The following FBLN7 variants were observed in gnomAD, a reference collection of about 807,000 sequenced individuals.
The protein encoded by FBLN7 is fibulin 7, also known as fibulin-7.
In FBLN7, 31 loss-of-function variants were observed where a neutral mutation model predicts 44.0. The observed-to-expected ratio is 0.70, with a 90% confidence interval of 0.53 to 0.95. FBLN7 has a LOEUF of 0.95. FBLN7 is among the 40% of genes least tolerant of loss of function. The pLI is 0.00. For missense variants in FBLN7, 573 were observed against 618.5 expected (o/e 0.93, Z 0.78); for synonymous variants, 262 against 253.4 (o/e 1.03, Z -0.32).
At chr2:112,160,678 A>ACACAC (rs1681726881) in intron 2 of FBLN7, among the ~76,000 whole-genome samples, 1 of 145,858 alleles carries the variant, frequency 6.9e-6, no homozygotes, top group African/African-American at 2.6e-5. Flanking sequence ...ACGCACACGC[A>ACACAC]GACGCACGCA....
downstream of FBLN7, among the ~76,000 whole-genome samples, chr2:112,192,826 G>T (rs1472601374): frequency 6.6e-6 from 1 of 152,162 alleles, no homozygotes; most frequent in African/African-American, 2.4e-5. Context: ...TATGAGCTGC[G>T]TGAATATTCC....
At chr2:112,179,662 G>A (rs189737808) in intron 4 of FBLN7, among the ~76,000 whole-genome samples, 41 of 152,216 alleles carry the variant, frequency 2.7e-4, no homozygotes, top group Middle Eastern at 3.4e-3. Flanking sequence ...CCAATGGAAC[G>A]GAATAGAGAG....
Position 112,159,714 on chromosome 2 carries a change from C to A in FBLN7, c.114C>A (p.Arg38=). ...LSKQQLLSAI[R]QLQQLLKGQE... is the part of the protein sequence containing the mutation. ...AACAGCAGCTCCTCTCGGCCATCCG[C>A]CAGCTGCAGCAGCTGCTGAAGGGCC... Residue 38 remains arginine, a synonymous_variant, in exon 2 of 8, where the codon CGC becomes CGA. Transcript: ENST00000331203. The A allele has an allele frequency of 6.3e-7, 1 of 1,582,068 alleles. No homozygotes were observed.
At chr2:112,180,619 A>G (rs560060543) in intron 4 of FBLN7, among the ~76,000 whole-genome samples, 3 of 152,312 alleles carry the variant, frequency 2.0e-5, no homozygotes, top group Non-Finnish European at 4.4e-5. Context: ...CAGACTGGAT[A>G]AAGAAAATGC....
At chr2:112,216,071 C>A in the FBLN7 span, 1 of 152,184 alleles carries the variant, frequency 6.6e-6, no homozygotes, top group Admixed American at 6.5e-5. Context: ...TATGGTCCAT[C>A]TACCAATGTC....
At chr2:112,156,419 C>G (rs1269998723) in intron 1 of FBLN7, among the ~76,000 whole-genome samples, 1 of 152,168 alleles carries the variant, frequency 6.6e-6, no homozygotes, top group Non-Finnish European at 1.5e-5. Context: ...TGCTGCCGGC[C>G]AGTAGCTGAA....
In FBLN7 at chr2:112,181,749, G is replaced by A. The variant is rs1342297236; in HGVS notation, c.543G>A (p.Glu181=). 7.2e-7 allele frequency: 1 copy of A among 1,397,952 alleles called. No individual in the cohort carries two copies. Among genetic ancestry groups the A allele is most frequent in the Non-Finnish European group, 9.2e-7 (1 of 1,083,186 alleles). 86.6% of individuals were successfully genotyped at this position (1,397,952 alleles called of 1,614,324 possible). A position where few individuals can be genotyped will look rare whatever the true frequency, so the allele number is the denominator to read the frequency against. The part of the protein sequence containing the change: ...CQHQAQTAAP[E]GSVAGDSAFS... ...GTCTTCTCCCCGCAGCCGCCCCCGAGGGCAGCGTGGCCGGCGACTCCGCCT... is the reference window on the plus strand; with the variant it reads ...GTCTTCTCCCCGCAGCCGCCCCCGAAGGCAGCGTGGCCGGCGACTCCGCCT... The change falls in exon 5 of 8, where the codon GAG becomes GAA. Residue 181 remains glutamate, a synonymous_variant. Transcript: ENST00000331203.
Position 112,138,637 on chromosome 2 carries a change from C to G in FBLN7, c.-19C>G. 8 of 1,613,804 alleles carry G rather than the reference C, an allele frequency of 5.0e-6. No homozygotes were observed. Among genetic ancestry groups the G allele is most frequent in the Non-Finnish European group, 6.8e-6 (8 of 1,179,874 alleles). ...CAAAGTTATTTCCCCTCCCAGGCAG[C>G]GGGATTCCGACTGGCAAGATGGTGC... On this transcript the variant is annotated 5_prime_UTR_variant, in exon 1 of 8. Coordinates refer to ENST00000331203, the MANE Select transcript of FBLN7 (RefSeq NM_153214.3).
intron 1 of FBLN7, among the ~76,000 whole-genome samples, chr2:112,145,584 A>AT (rs762134883): frequency 6.6e-6 from 1 of 152,160 alleles, no homozygotes; most frequent in East Asian, 1.9e-4. Context: ...TCAATTTTTT[A>AT]TTTTAATGGA....
rs1209194688 is a variant in FBLN7 at position 112,187,706 on chromosome 2, T to C, written c.*200T>C. ...CACAAAACTCAACTGCTGCCATCAC[T>C]CTTTTTTTTTTTCTGCTTTGAGGCC... On this transcript the variant is annotated 3_prime_UTR_variant, in exon 8 of 8. Transcript: ENST00000331203. The surrounding 1 kb of genome is among the most constrained non-coding windows in gnomAD (Gnocchi z 5.1). The C allele has an allele frequency of 1.4e-5, 9 of 629,844 alleles. No individual in the cohort carries two copies. The African/African-American group carries it at 1.5e-4, about 10-fold the overall frequency. The allele number at this position is 629,844 out of a possible 1,614,324, so 39.0% of individuals were successfully genotyped here.
In FBLN7 at chr2:112,156,760, G is replaced by A. The variant is rs1049437545; in HGVS notation, c.76-2916G>A. ...GTATGGTGGAGGCCCAGGAGCCCCC[G>A]GGATTAACGAATTCCAGGGGCAACT... On this transcript the variant is annotated intron_variant, in intron 1 of 7. Transcript: ENST00000331203. Among the ~76,000 whole-genome samples, 89 of 152,354 alleles carry A rather than the reference G, an allele frequency of 5.8e-4. 1 individual carries two copies. The highest frequency in any genetic ancestry group is 2.0e-3 in the African/African-American group (85 of 41,592).
intron 4 of FBLN7, chr2:112,177,574 A>G (rs1682794676): frequency 6.6e-6 from 1 of 152,128 alleles, no homozygotes; most frequent in Non-Finnish European, 1.5e-5. Context: ...ATCCTTTTTA[A>G]CTGTACAGCT....
intron 2 of FBLN7, among the ~76,000 whole-genome samples, chr2:112,160,655 CACGCGCACGCACACGCACACGCAG>C (rs1411528490): frequency 3.5e-5 from 5 of 142,480 alleles, no homozygotes; most frequent in South Asian, 4.6e-4. Flanking sequence ...CGCGCACGCA[CACGCGCACGCACACGCACACGCAG>C]ACGCACGCAC....
At chr2:112,198,643 G>A in the FBLN7 span, among the ~76,000 whole-genome samples, 68 of 15,204 alleles carry the variant, frequency 4.5e-3, 2 homozygotes, top group African/African-American at 0.021. Flanking sequence ...CAAAAAAAAA[G>A]AAAGAAAGAA....
chr2:112,149,832 T>C (rs1681066755), intron 1 of FBLN7, among the ~76,000 whole-genome samples: 1 of 152,154 alleles, frequency 6.6e-6, no homozygotes, highest in African/African-American at 2.4e-5. Flanking sequence ...CTCAAGTAAG[T>C]AAAATGTGTA....
chr2:112,212,402 T>C, the FBLN7 span: 3 of 152,356 alleles, frequency 2.0e-5, no homozygotes, highest in East Asian at 5.8e-4. Context: ...AGGAGCTGAA[T>C]ACAATGAATG....
At chr2:112,228,191 G>T in the FBLN7 span, among the ~76,000 whole-genome samples, 1 of 152,138 alleles carries the variant, frequency 6.6e-6, no homozygotes. Context: ...TCAGGGGGAA[G>T]GGGCAGTCTT....
the FBLN7 span, among the ~76,000 whole-genome samples, chr2:112,203,544 C>G: frequency 6.6e-6 from 1 of 152,028 alleles, no homozygotes; most frequent in African/African-American, 2.4e-5. Flanking sequence ...TTTAAAATGT[C>G]CAATTTTCAA....
chr2:112,153,354 A>C (rs953421790), intron 1 of FBLN7: 4 of 152,166 alleles, frequency 2.6e-5, no homozygotes, highest in African/African-American at 9.7e-5. Flanking sequence ...GGCTTGGGAG[A>C]AACCAGCGTG....
Sources: allele counts gnomAD v4.1 joint callset (sites outside exome capture counted in the v4.1 genomes callset), GRCh38; gene constraint gnomAD v4.1.1; non-coding constraint Gnocchi (gnomAD v3.1); transcripts MANE v1.5; gene names NCBI Gene and HGNC (gene_info 2026-07-23, HGNC 2026-07-21).